Variants in TOX2 observed in about 807,000 individuals in gnomAD.
TOX2 encodes TOX high mobility group box family member 2.
In TOX2, 15 loss-of-function variants were observed where a neutral mutation model predicts 47.4. That is an observed-to-expected ratio of 0.32 (90% CI 0.21 to 0.49). TOX2 has a LOEUF of 0.49. Ranked by LOEUF, TOX2 falls within the 20% of genes least tolerant of loss-of-function variation. The pLI is 0.99. For synonymous variants in TOX2, 290 were observed against 296.6 expected (o/e 0.98, Z 0.23); for missense variants, 622 against 673.1 (o/e 0.92, Z 0.84).
Position 44,065,872 on chromosome 20 carries a change from C to T in TOX2, c.1121C>T (p.Ala374Val). The change falls in exon 7 of 9, where the codon GCC becomes GTC. Residue 374 changes from alanine (A) to valine (V), a missense_variant. This residue lies in a region of TOX2 where 294 missense variants were observed against 300.0 expected (regional missense o/e 0.98). Transcript: ENST00000341197. ...FRSGASPASL[A>V]RTLGSKSLLP... is the part of the protein sequence containing the mutation. ...AGTGGGGCCTCCCCTGCCAGCCTCGCCCGGACGCTGGGCTCCAAGTCTCTG... is the reference window on the plus strand; with the variant it reads ...AGTGGGGCCTCCCCTGCCAGCCTCGTCCGGACGCTGGGCTCCAAGTCTCTG... 1 of 1,613,314 alleles carries T rather than the reference C, an allele frequency of 6.2e-7. No individual in the cohort carries two copies. Among genetic ancestry groups the T allele is most frequent in the Middle Eastern group, 1.7e-4 (1 of 6,056 alleles).
chr20:43,981,279 C>T (rs929638511), intron 2 of TOX2, among the ~76,000 whole-genome samples: 33 of 152,002 alleles, frequency 2.2e-4, no homozygotes, highest in Admixed American at 5.2e-4. Context: ...CCCAGCAATT[C>T]GTTTTTTTGG....
chr20:43,995,643 A>AT (rs2070461777), intron 2 of TOX2, among the ~76,000 whole-genome samples: 1 of 151,838 alleles, frequency 6.6e-6, no homozygotes, highest in South Asian at 2.1e-4. Context: ...CCCATTAGTT[A>AT]TTTTTTCTGC....
intron 2 of TOX2, among the ~76,000 whole-genome samples, chr20:43,992,245 A>G (rs549820029): frequency 6.6e-6 from 1 of 152,278 alleles, no homozygotes; most frequent in South Asian, 2.1e-4. Flanking sequence ...TGGGAGACTT[A>G]TCTGATCGAC....
chr20:43,994,137 C>A (rs897960729), intron 2 of TOX2, among the ~76,000 whole-genome samples: 4 of 151,832 alleles, frequency 2.6e-5, no homozygotes, highest in African/African-American at 9.7e-5. Flanking sequence ...GGCAACAGAG[C>A]AAGACCCTGT....
At chr20:43,933,407 A>C (rs983781789) in intron 1 of TOX2, among the ~76,000 whole-genome samples, 3 of 152,210 alleles carry the variant, frequency 2.0e-5, no homozygotes, top group African/African-American at 7.2e-5. Context: ...CCTGAATCAC[A>C]TGAGGGTCTT....
At position 43,927,625 on chromosome 20, in the gene TOX2, C is replaced by CTTCCTTCCTTCCTTCCTTCCT. The variant is rs146262327; in HGVS notation, c.99+12636_99+12637insTCCTTCCTTCCTTCCTTCCTT. ...CCTTCCTTCCTTCCTTCCTTCCTTC[C>CTTCCTTCCTTCCTTCCTTCCT]TCCTTCCTTCCTTCCTCCCCTTCCC... On this transcript the variant is annotated intron_variant, in intron 1 of 8. Coordinates refer to ENST00000341197, the MANE Select transcript of TOX2 (RefSeq NM_001098797.2). Among the ~76,000 whole-genome samples the CTTCCTTCCTTCCTTCCTTCCT allele has an allele frequency of 2.9e-4, 24 of 81,382 alleles. 4 individuals carry two copies. The highest frequency in any genetic ancestry group is 1.1e-3 in the East Asian group (2 of 1,898). 53.4% of individuals were successfully genotyped at this position (81,382 alleles called of 152,430 possible).
intron 3 of TOX2, among the ~76,000 whole-genome samples, chr20:44,011,827 T>C (rs1362192570): frequency 6.6e-6 from 1 of 152,266 alleles, no homozygotes; most frequent in East Asian, 1.9e-4. Context: ...CACCAATTCT[T>C]TCCGGTCCCC....
chr20:44,011,553 C>T (rs1229495025), intron 3 of TOX2, among the ~76,000 whole-genome samples: 1 of 152,240 alleles, frequency 6.6e-6, no homozygotes, highest in Non-Finnish European at 1.5e-5. Flanking sequence ...TCATGCAGCT[C>T]TTAAACAGCA....
chr20:43,947,868 G>T (rs1195379237), intron 1 of TOX2, among the ~76,000 whole-genome samples: 2 of 152,196 alleles, frequency 1.3e-5, no homozygotes, highest in Non-Finnish European at 2.9e-5. Flanking sequence ...GGGAAGGAAG[G>T]TGCTGGAAGG....
At chr20:43,994,463 A>C (rs1379190568) in intron 2 of TOX2, among the ~76,000 whole-genome samples, 1 of 151,806 alleles carries the variant, frequency 6.6e-6, no homozygotes, top group African/African-American at 2.4e-5. Flanking sequence ...TGTCTCCAAA[A>C]AAAAAAAAAA....
intron 1 of TOX2, among the ~76,000 whole-genome samples, chr20:43,940,987 T>G (rs1363801525): frequency 1.3e-5 from 2 of 152,222 alleles, no homozygotes; most frequent in African/African-American, 4.8e-5. Context: ...TAGTTAGCAC[T>G]GATGGTTGGG....
chr20:43,953,986 C>T (rs995961856), intron 1 of TOX2, among the ~76,000 whole-genome samples: 8 of 152,154 alleles, frequency 5.3e-5, no homozygotes, highest in Non-Finnish European at 1.2e-4. Context: ...AAGAATGGAA[C>T]CTCATGGAAT....
intron 1 of TOX2, among the ~76,000 whole-genome samples, chr20:43,931,013 G>A (rs1042412604): frequency 2.6e-5 from 4 of 152,264 alleles, no homozygotes; most frequent in East Asian, 1.9e-4. Flanking sequence ...CTAGAATGTC[G>A]GCTTTGGAAG....
intron 6 of TOX2, among the ~76,000 whole-genome samples, chr20:44,065,282 G>GC (rs1264427502): frequency 6.6e-6 from 1 of 152,250 alleles, no homozygotes; most frequent in African/African-American, 2.4e-5. Flanking sequence ...AAGTGTGGCT[G>GC]CGGATGCGTG....
chr20:44,037,437 T>C (rs1018837116), intron 3 of TOX2, among the ~76,000 whole-genome samples: 1 of 152,266 alleles, frequency 6.6e-6, no homozygotes, highest in African/African-American at 2.4e-5. Flanking sequence ...TGTTACCCCA[T>C]GTTGAAGCTG....
In TOX2 at chr20:44,018,410, G is replaced by T. The variant is rs114856523; in HGVS notation, c.411+11618G>T. On this transcript the variant is annotated intron_variant, in intron 3 of 8. Coordinates refer to ENST00000341197, the MANE Select transcript of TOX2 (RefSeq NM_001098797.2). The stretch of plus-strand genomic sequence containing the variant: ...CATGAGGGAGAATTAAGGGAAAATC[G>T]CAGCGACATTCGTCAGCTGCAGCCT... Among the ~76,000 whole-genome samples, 1,280 of 152,218 alleles carry T rather than the reference G, an allele frequency of 8.4e-3. 17 individuals are homozygous for T. The highest frequency in any genetic ancestry group is 0.03 in the African/African-American group (1,231 of 41,524).
chr20:44,055,572 G>A (rs1270785236), intron 5 of TOX2, among the ~76,000 whole-genome samples: 1 of 152,164 alleles, frequency 6.6e-6, no homozygotes, highest in East Asian at 1.9e-4. Flanking sequence ...GGGCTTTGCA[G>A]ACCTTGGAAG....
chr20:43,922,320 G>A (rs1458978330), intron 1 of TOX2, among the ~76,000 whole-genome samples: 1 of 152,204 alleles, frequency 6.6e-6, no homozygotes, highest in African/African-American at 2.4e-5. Context: ...TAGATGCCAA[G>A]AGCATCACCC....
intron 5 of TOX2, among the ~76,000 whole-genome samples, chr20:44,056,700 G>A (rs2071624778): frequency 6.6e-6 from 1 of 152,110 alleles, no homozygotes; most frequent in Admixed American, 6.5e-5. Flanking sequence ...TTTACTTAAT[G>A]CGTTATAAAT....
Sources: allele counts gnomAD v4.1 joint callset (sites outside exome capture counted in the v4.1 genomes callset), GRCh38; gene constraint gnomAD v4.1.1; regional missense constraint gnomAD v4.1.1; transcripts MANE v1.5; gene names NCBI Gene and HGNC (gene_info 2026-07-23, HGNC 2026-07-21).